Variants in PTK2 observed in about 807,000 individuals in gnomAD.
PTK2 encodes the protein focal adhesion kinase 1.
Under a neutral mutation model 150.1 loss-of-function variants are expected in PTK2, and 45 were observed. The observed-to-expected ratio is 0.30, with a 90% CI of 0.24 to 0.38. The LOEUF (loss-of-function observed/expected upper bound fraction) is 0.38, where lower values mean the gene tolerates loss of function less well. Ranked by LOEUF, PTK2 falls within the 10% of genes least tolerant of loss-of-function variation. PTK2 has a pLI of 1.00. For synonymous variants in PTK2, 432 were observed against 449.2 expected (o/e 0.96, Z 0.48); for missense variants, 919 against 1,307.3 (o/e 0.70, Z 4.58).
At chr8:140,833,299 G>A (rs1414864468) in intron 7 of PTK2, among the ~76,000 whole-genome samples, 1 of 151,858 alleles carries the variant, frequency 6.6e-6, no homozygotes, top group Non-Finnish European at 1.5e-5. Context: ...TTGATACCTG[G>A]CAGTTGAGAA....
At chr8:140,938,954 G>T (rs1005994939) in intron 1 of PTK2, among the ~76,000 whole-genome samples, 3 of 151,618 alleles carry the variant, frequency 2.0e-5, no homozygotes, top group Non-Finnish European at 4.4e-5. Context: ...TCCAGACTGG[G>T]CAATACAGTA....
In PTK2 at chr8:140,942,013, C is replaced by T. The variant is rs141987462; in HGVS notation, c.-121-16264G>A. On this transcript the variant is annotated intron_variant, in intron 1 of 31. Coordinates refer to ENST00000522684, the Ensembl canonical transcript of PTK2. ...CAAGCAATTCTCCCGCCTCAGCCTC[C>T]CGAGTAGCTGGGACCACAGGCATGT... is the stretch of plus-strand genomic sequence containing the variant. 9.2e-3 allele frequency among the ~76,000 whole-genome samples: 1,403 copies of T among 152,174 alleles called. 19 individuals are homozygous for T. Among genetic ancestry groups the T allele is most frequent in the Admixed American group, 0.033 (499 of 15,278 alleles).
intron 14 of PTK2, among the ~76,000 whole-genome samples, chr8:140,768,594 T>G (rs4554515): frequency 0.58 from 88,594 of 152,020 alleles, 27,423 homozygotes; most frequent in African/African-American, 0.79. Context: ...TTAGAGTCTC[T>G]CTTAATCCTC....
chr8:140,778,383 G>A (rs553581630), intron 14 of PTK2, among the ~76,000 whole-genome samples: 4 of 152,272 alleles, frequency 2.6e-5, no homozygotes, highest in South Asian at 2.1e-4. Context: ...CCCGGGAAGC[G>A]GAGATTGCAG....
chr8:140,817,870 G>A (rs188792261), intron 10 of PTK2, among the ~76,000 whole-genome samples: 3 of 152,228 alleles, frequency 2.0e-5, no homozygotes, highest in Admixed American at 6.5e-5. Context: ...GGTTAATAAG[G>A]CTTTCAAGAG....
chr8:140,932,748 A>G (rs1019676061), intron 1 of PTK2, among the ~76,000 whole-genome samples: 1 of 152,210 alleles, frequency 6.6e-6, no homozygotes, highest in Non-Finnish European at 1.5e-5. Flanking sequence ...TTTCTGTCCA[A>G]GGATCCTGAC....
intron 16 of PTK2, among the ~76,000 whole-genome samples, chr8:140,756,883 G>T (rs1006055484): frequency 1.3e-5 from 2 of 151,690 alleles, no homozygotes; most frequent in African/African-American, 2.4e-5. Flanking sequence ...CAGCTACTCG[G>T]GAGGCTGAGG....
intron 3 of PTK2, among the ~76,000 whole-genome samples, chr8:140,887,822 T>C (rs1167708976): frequency 6.6e-6 from 1 of 152,236 alleles, no homozygotes; most frequent in Non-Finnish European, 1.5e-5. Flanking sequence ...TATTCTGTTT[T>C]CTTACTCTTT....
chr8:140,986,282 A>G (rs1276478472), intron 1 of PTK2, among the ~76,000 whole-genome samples: 1 of 152,202 alleles, frequency 6.6e-6, no homozygotes, highest in African/African-American at 2.4e-5. Context: ...CATATCAAAC[A>G]TCAGGTTCAG....
chr8:140,758,558 C>G (rs1260403825), intron 16 of PTK2, among the ~76,000 whole-genome samples: 1 of 151,914 alleles, frequency 6.6e-6, no homozygotes, highest in African/African-American at 2.4e-5. Flanking sequence ...GTGTGGAGGT[C>G]GAAGACAGTG....
chr8:140,877,986 C>T (rs554414976), intron 4 of PTK2, among the ~76,000 whole-genome samples: 25 of 152,218 alleles, frequency 1.6e-4, no homozygotes, highest in African/African-American at 5.1e-4. Context: ...AGTACCTTGA[C>T]ACAGGAGGAT....
chr8:140,795,880 A>G (rs769037373), intron 12 of PTK2, among the ~76,000 whole-genome samples: 8 of 152,208 alleles, frequency 5.3e-5, no homozygotes, highest in Non-Finnish European at 1.0e-4. Flanking sequence ...CTCTTCCTTC[A>G]TTCAGGTAGA....
chr8:140,778,653 C>T (rs114017197), intron 14 of PTK2, among the ~76,000 whole-genome samples: 9 of 152,282 alleles, frequency 5.9e-5, no homozygotes, highest in African/African-American at 1.4e-4. Context: ...TGGGACAGAA[C>T]GAGCTGGCTT....
intron 12 of PTK2, among the ~76,000 whole-genome samples, chr8:140,795,431 GCCAGATAT>G (rs996451455): frequency 6.6e-6 from 1 of 152,114 alleles, no homozygotes; most frequent in African/African-American, 2.4e-5. Context: ...ATAGGGAATA[GCCAGATAT>G]CCTTGTAGGT....
chr8:140,664,962 A>C (rs1438577697), exon 31 of PTK2: 1 of 1,613,798 alleles, frequency 6.2e-7, no homozygotes, highest in African/African-American at 1.3e-5. Flanking sequence ...TCTCATCCAC[A>C]GTGGCCAATA....
In PTK2 at chr8:140,825,485, A is replaced by G. The variant is rs185362741; in HGVS notation, c.648+4987T>C. 1.7e-3 allele frequency among the ~76,000 whole-genome samples: 253 copies of G among 152,344 alleles called. 2 individuals are homozygous for G. Among genetic ancestry groups the G allele is most frequent in the South Asian group, 7.5e-3 (36 of 4,826 alleles). On this transcript the variant is annotated intron_variant, in intron 8 of 31. Coordinates refer to ENST00000522684, the Ensembl canonical transcript of PTK2. ...TGAGAATCAGATACTAAAAAAACTG[A>G]TAACTATTGATCTCTTAACATTTCT...
intron 23 of PTK2, among the ~76,000 whole-genome samples, chr8:140,707,419 AATTT>A (rs2100034439): frequency 6.6e-6 from 1 of 152,142 alleles, no homozygotes; most frequent in Non-Finnish European, 1.5e-5. Flanking sequence ...CGAATTGTAC[AATTT>A]ATTTATTTGA....
intron 1 of PTK2, among the ~76,000 whole-genome samples, chr8:140,964,046 G>A (rs950908283): frequency 2.6e-5 from 4 of 152,028 alleles, no homozygotes; most frequent in African/African-American, 9.7e-5. Context: ...CAGTCCTTCT[G>A]CCTGGTAGGT....
At chr8:140,920,187 T>G (rs190472088) in intron 2 of PTK2, among the ~76,000 whole-genome samples, 2 of 152,320 alleles carry the variant, frequency 1.3e-5, no homozygotes, top group East Asian at 3.9e-4. Context: ...AACAGCTGAT[T>G]TGCTTTTAGT....
Sources: allele counts gnomAD v4.1 joint callset (sites outside exome capture counted in the v4.1 genomes callset), GRCh38; gene constraint gnomAD v4.1.1; transcripts MANE v1.5; gene names NCBI Gene and HGNC (gene_info 2026-07-23, HGNC 2026-07-21).